The following BBOX1 variants were observed in gnomAD, a reference collection of about 807,000 sequenced individuals.
BBOX1 encodes the protein gamma-butyrobetaine hydroxylase 1.
A neutral mutation model predicts 41.6 loss-of-function variants in BBOX1; 35 were observed. The ratio of observed to expected loss-of-function variants is 0.84; its 90% CI spans 0.64 to 1.11. BBOX1 has a LOEUF of 1.11. BBOX1 is among the 50% of genes most tolerant of loss of function. The pLI, the probability that BBOX1 is intolerant of heterozygous loss-of-function variation, is 0.00. For synonymous variants in BBOX1, 163 were observed against 154.7 expected, an observed-to-expected ratio of 1.05 and a Z score of -0.40; for missense variants, 458 against 460.6, an observed-to-expected ratio of 0.99 and a Z score of 0.05.
chr11:27,040,892 A>C lies in BBOX1; in HGVS notation c.-438A>C, dbSNP rs574916884. 6.6e-6 allele frequency: 1 copy of C among 152,310 alleles called. No individual in the cohort carries two copies. Among genetic ancestry groups the C allele is most frequent in the Non-Finnish European group, 1.5e-5 (1 of 68,062 alleles). 9.4% of individuals were successfully genotyped at this position (152,310 alleles called of 1,614,324 possible). A position where few individuals can be genotyped will look rare whatever the true frequency, so the allele number is the denominator to read the frequency against. On this transcript the variant is annotated 5_prime_UTR_variant, in exon 1 of 9. The change abolishes an upstream ATG in the 5' untranslated region. Coordinates refer to ENST00000263182, the MANE Select transcript of BBOX1 (RefSeq NM_003986.3). ...AGCGCTGGTAGCTCCTCCCTGTTAA[A>C]TGCCCATCTCAATGCCTCTGCCCTA...
intron 5 of BBOX1, among the ~76,000 whole-genome samples, chr11:27,113,975 C>T (rs1263262702): frequency 6.6e-6 from 1 of 151,740 alleles, no homozygotes; most frequent in Non-Finnish European, 1.5e-5. Context: ...TCTCTATTCA[C>T]AGATGGTATG....
intron 4 of BBOX1, among the ~76,000 whole-genome samples, chr11:27,067,259 G>GT (rs1266184053): frequency 6.6e-6 from 1 of 151,958 alleles, no homozygotes; most frequent in African/African-American, 2.4e-5. Context: ...TTTGGAGAGT[G>GT]TTTTTTTATT....
intron 8 of BBOX1, among the ~76,000 whole-genome samples, chr11:27,126,994 G>A (rs970163886): frequency 2.0e-5 from 3 of 152,118 alleles, no homozygotes; most frequent in Non-Finnish European, 1.5e-5. Flanking sequence ...TTCTAATGAG[G>A]TATCGATCAG....
chr11:27,072,028 T>C (rs903686086), intron 4 of BBOX1, among the ~76,000 whole-genome samples: 7 of 152,302 alleles, frequency 4.6e-5, no homozygotes, highest in Middle Eastern at 3.4e-3. Flanking sequence ...AGGATGCCCT[T>C]TCTCACTACT....
chr11:27,080,717 A>C (rs1407853267), intron 4 of BBOX1, among the ~76,000 whole-genome samples: 1 of 152,120 alleles, frequency 6.6e-6, no homozygotes, highest in Non-Finnish European at 1.5e-5. Flanking sequence ...TTTTCACTGA[A>C]GTAAGAATCA....
chr11:27,098,152 G>A (rs76457495), intron 5 of BBOX1, among the ~76,000 whole-genome samples: 4,725 of 151,946 alleles, frequency 0.031, 114 homozygotes, highest in Non-Finnish European at 0.046. Context: ...CTTTTTGGCT[G>A]CTTTTTGGCC....
chr11:27,046,726 A>G (rs1851498420), intron 2 of BBOX1, among the ~76,000 whole-genome samples: 1 of 152,126 alleles, frequency 6.6e-6, no homozygotes, highest in South Asian at 2.1e-4. Context: ...TATAGGAGCT[A>G]TATCTAAATT....
chr11:27,078,693 G>C (rs1857720814), intron 4 of BBOX1, among the ~76,000 whole-genome samples: 1 of 152,142 alleles, frequency 6.6e-6, no homozygotes, highest in African/African-American at 2.4e-5. Context: ...AAAGAATTTT[G>C]TTAGAATTTG....
At position 27,057,222 on chromosome 11, in the gene BBOX1, G is replaced by A. The variant is rs147348000; in HGVS notation, c.241G>A (p.Glu81Lys). 227 of 1,607,168 alleles carry A rather than the reference G, an allele frequency of 1.4e-4. 2 individuals carry two copies. The highest frequency in any genetic ancestry group is 6.6e-4 in the Middle Eastern group (4 of 6,038). ...RKKVYITWPD[E>K]HYSEFQADWL... ...TAAGGTGTACATCACATGGCCCGATGAGCATTACAGTGAATTCCAGGCTGA... is the reference window on the plus strand; with the variant it reads ...TAAGGTGTACATCACATGGCCCGATAAGCATTACAGTGAATTCCAGGCTGA... Residue 81 changes from glutamate (E) to lysine (K), a missense_variant, in exon 4 of 9, where the codon GAG (glutamate) becomes AAG (lysine). Physicochemically the swap from Glu to Lys is moderately conservative, Grantham distance 56. Coordinates refer to ENST00000263182, the MANE Select transcript of BBOX1 (RefSeq NM_003986.3).
chr11:27,113,309 C>G (rs906545160), intron 5 of BBOX1, among the ~76,000 whole-genome samples: 1 of 151,782 alleles, frequency 6.6e-6, no homozygotes, highest in Admixed American at 6.6e-5. Context: ...AGTGTATACC[C>G]AAAGGAATAT....
chr11:27,043,768 T>A (rs1169529408), intron 2 of BBOX1, among the ~76,000 whole-genome samples: 3 of 148,926 alleles, frequency 2.0e-5, no homozygotes, highest in Admixed American at 6.7e-5. Context: ...GCGGAGGACA[T>A]GAACTCATCC....
intron 5 of BBOX1, among the ~76,000 whole-genome samples, chr11:27,102,299 T>C (rs1175100418): frequency 6.6e-6 from 1 of 152,050 alleles, no homozygotes; most frequent in Non-Finnish European, 1.5e-5. Flanking sequence ...TTTGTGTTTG[T>C]TAAAATAGGT....
At chr11:27,042,447 G>T (rs968255048) in intron 2 of BBOX1, among the ~76,000 whole-genome samples, 3 of 152,154 alleles carry the variant, frequency 2.0e-5, no homozygotes, top group Non-Finnish European at 2.9e-5. Context: ...CAAACTCTTG[G>T]GTTCAAGCGA....
chr11:27,113,749 C>T (rs1859161516), intron 5 of BBOX1, among the ~76,000 whole-genome samples: 1 of 151,392 alleles, frequency 6.6e-6, no homozygotes, highest in African/African-American at 2.4e-5. Flanking sequence ...TACATAAACC[C>T]CTGTGACATG....
At chr11:27,103,478 G>A (rs898650912) in intron 5 of BBOX1, among the ~76,000 whole-genome samples, 6 of 151,716 alleles carry the variant, frequency 4.0e-5, no homozygotes, top group African/African-American at 7.3e-5. Context: ...CTCTCAAATC[G>A]TTTCTATTGA....
At chr11:27,116,590 A>AGT (rs2134097656) in intron 6 of BBOX1, among the ~76,000 whole-genome samples, 2 of 152,038 alleles carry the variant, frequency 1.3e-5, no homozygotes, top group East Asian at 3.9e-4. Context: ...GTCTTCAGTC[A>AGT]TATACCTGCA....
intron 4 of BBOX1, among the ~76,000 whole-genome samples, chr11:27,073,451 T>C (rs1322939656): frequency 6.7e-6 from 1 of 150,120 alleles, no homozygotes; most frequent in East Asian, 1.9e-4. Flanking sequence ...GGAACACTTT[T>C]ACACTGTTGG....
chr11:27,073,900 C>A (rs1033254969), intron 4 of BBOX1, among the ~76,000 whole-genome samples: 16 of 151,724 alleles, frequency 1.1e-4, no homozygotes, highest in Admixed American at 2.6e-4. Flanking sequence ...ACATCACACA[C>A]TGGGGCCTGT....
intron 4 of BBOX1, among the ~76,000 whole-genome samples, chr11:27,063,717 A>G (rs1857201712): frequency 6.6e-6 from 1 of 151,952 alleles, no homozygotes; most frequent in Non-Finnish European, 1.5e-5. Flanking sequence ...GGCAGTCTTT[A>G]CCATCTACTA....
Sources: gnomAD v4.1 joint callset for allele counts (sites outside exome capture counted in the v4.1 genomes callset) on GRCh38, gnomAD v4.1.1 for gene constraint, MANE v1.5 for transcripts, NCBI Gene and HGNC (gene_info 2026-07-23, HGNC 2026-07-21) for gene names.